The following AP1G1 variants were observed in gnomAD, a reference collection of about 807,000 sequenced individuals.
The protein encoded by AP1G1 is adaptor related protein complex 1 subunit gamma 1.
AP1G1 carries 7 observed loss-of-function variants against 108.3 expected under a neutral mutation model. The observed-to-expected ratio is 0.06, with a 90% CI of 0.04 to 0.12. AP1G1 has a LOEUF of 0.12. AP1G1 is among the 10% of genes least tolerant of loss of function. The pLI is 1.00. For synonymous variants in AP1G1, 379 were observed against 353.5 expected (o/e 1.07, Z -0.81); for missense variants, 756 against 1,010.7 (o/e 0.75, Z 3.42).
chr16:71,742,145 C>T (rs1299150055), intron 19 of AP1G1: 2 of 151,932 alleles, frequency 1.3e-5, no homozygotes, highest in African/African-American at 2.4e-5. Context: ...TATCATTTTG[C>T]TTTAACATAT....
chr16:71,733,232 G>A (rs2045491111), intron 22 of AP1G1, 73 bp from the exon 23 acceptor site: 1 of 1,250,666 alleles, frequency 8.0e-7, no homozygotes, highest in African/African-American at 1.5e-5. Context: ...TCCACAAATA[G>A]ACTTTTAATC....
rs759856339 is a variant in AP1G1 at position 71,750,199 on chromosome 16, G to A, written c.1407+11C>T. 1.1e-4 allele frequency: 176 copies of A among 1,611,406 alleles called. No individual in the cohort carries two copies. Among genetic ancestry groups the A allele is most frequent in the Non-Finnish European group, 1.4e-4 (167 of 1,179,376 alleles). On this transcript the variant is annotated intron_variant, in intron 14 of 22. Coordinates refer to ENST00000299980, the MANE Select transcript of AP1G1 (RefSeq NM_001128.6). ...AAATTACCCCCTAAAATAGTTGAAT[G>A]AAGTACTTACTTGAGAATAATCACC...
chr16:71,784,199 A>G (rs1310658936), intron 2 of AP1G1, among the ~76,000 whole-genome samples: 2 of 152,196 alleles, frequency 1.3e-5, no homozygotes, highest in African/African-American at 4.8e-5. Flanking sequence ...TGTGTCTAAC[A>G]CTTATAACTT....
Position 71,803,107 on chromosome 16 carries a change from C to T in AP1G1, c.-4+5656G>A, listed in dbSNP as rs376523289. 3.3e-5 allele frequency among the ~76,000 whole-genome samples: 5 copies of T among 151,214 alleles called. No individual in the cohort carries two copies. The East Asian group carries it at 7.9e-4, about 24-fold the overall frequency. On this transcript the variant is annotated intron_variant, in intron 1 of 22. Coordinates refer to ENST00000299980, the MANE Select transcript of AP1G1 (RefSeq NM_001128.6). The stretch of plus-strand genomic sequence containing the variant: ...GTGCACGCCTGCAGTCCCAGCTACT[C>T]GGGAGGCTGAGCACAAGAATCGCGG...
At chr16:71,803,735 G>A (rs886489520) in intron 1 of AP1G1, among the ~76,000 whole-genome samples, 1 of 152,082 alleles carries the variant, frequency 6.6e-6, no homozygotes, top group Non-Finnish European at 1.5e-5. Context: ...GATCAGCCTG[G>A]TCAACAGGGT....
At chr16:71,777,233 G>A (rs1448535283) in intron 2 of AP1G1, among the ~76,000 whole-genome samples, 1 of 151,602 alleles carries the variant, frequency 6.6e-6, no homozygotes, top group Non-Finnish European at 1.5e-5. Context: ...GGATCTGAGG[G>A]AGATCCCAGG....
chr16:71,804,521 C>A (rs1423384322), intron 1 of AP1G1, among the ~76,000 whole-genome samples: 2 of 151,850 alleles, frequency 1.3e-5, no homozygotes, highest in Non-Finnish European at 2.9e-5. Context: ...AATCCTCCCA[C>A]CTGAGCCTCC....
intron 10 of AP1G1, among the ~76,000 whole-genome samples, chr16:71,759,841 T>C (rs1391694540): frequency 6.6e-6 from 1 of 151,908 alleles, no homozygotes; most frequent in Non-Finnish European, 1.5e-5. Context: ...CTTTAAAAGT[T>C]TTCCAAATAG....
At chr16:71,768,089 T>G (rs1267044070) in intron 6 of AP1G1, among the ~76,000 whole-genome samples, 1 of 148,478 alleles carries the variant, frequency 6.7e-6, no homozygotes, top group Non-Finnish European at 1.5e-5. Context: ...ATGACCAGCA[T>G]CCTATAAAAG....
At chr16:71,768,714 G>A (rs1187352563) in intron 6 of AP1G1, among the ~76,000 whole-genome samples, 1 of 147,930 alleles carries the variant, frequency 6.8e-6, no homozygotes, top group Non-Finnish European at 1.5e-5. Flanking sequence ...AGGAGATCAA[G>A]ACCATCCTGG....
At chr16:71,785,850 C>G (rs2032184271) in intron 2 of AP1G1, among the ~76,000 whole-genome samples, 1 of 152,032 alleles carries the variant, frequency 6.6e-6, no homozygotes, top group Non-Finnish European at 1.5e-5. Flanking sequence ...CCATTGCACT[C>G]CAGCCTGGGC....
intron 12 of AP1G1, among the ~76,000 whole-genome samples, chr16:71,754,226 AAAAG>A (rs1324484577): frequency 6.6e-6 from 1 of 151,724 alleles, no homozygotes; most frequent in Non-Finnish European, 1.5e-5. Context: ...CAGAAGAAAG[AAAAG>A]AAAGGGAAGA....
chr16:71,777,638 G>A (rs552142846), intron 2 of AP1G1: 13 of 455,988 alleles, frequency 2.9e-5, no homozygotes, highest in Admixed American at 2.7e-4. Flanking sequence ...CTACTGCTAG[G>A]GATCCGGTTC....
intron 1 of AP1G1, chr16:71,806,535 G>T (rs369499059): frequency 2.7e-6 from 1 of 375,224 alleles, no homozygotes; most frequent in South Asian, 2.4e-5. Flanking sequence ...GCCACTGAGC[G>T]CCCGCCTGAA....
rs2031497489 is a variant in AP1G1, at chr16:71,769,753, T to C, written c.566-54A>G. 4.1e-6 allele frequency: 6 copies of C among 1,454,686 alleles called. No individual in the cohort carries two copies. In the South Asian group the frequency reaches 4.6e-5, roughly 11 times the overall value. The allele number at this position is 1,454,686 out of a possible 1,614,324, so 90.1% of individuals were successfully genotyped here. Reference sequence around the variant, plus strand: ...AAATGAGGCCTATTATTCAATTTTATAGAACAGGACTTTGAGTTCCTGAAG... The same window carrying C: ...AAATGAGGCCTATTATTCAATTTTACAGAACAGGACTTTGAGTTCCTGAAG... On this transcript the variant is annotated intron_variant, in intron 5 of 22. Coordinates refer to ENST00000299980, the MANE Select transcript of AP1G1 (RefSeq NM_001128.6).
intron 1 of AP1G1, among the ~76,000 whole-genome samples, chr16:71,796,726 A>C (rs2032598722): frequency 6.6e-6 from 1 of 152,168 alleles, no homozygotes; most frequent in African/African-American, 2.4e-5. Flanking sequence ...AGAGGACTTA[A>C]GTTCAATTCT....
At chr16:71,778,811 G>A (rs1043298181) in intron 2 of AP1G1, among the ~76,000 whole-genome samples, 5 of 152,108 alleles carry the variant, frequency 3.3e-5, no homozygotes, top group Non-Finnish European at 5.9e-5. Context: ...GAGGGCATCC[G>A]TTTTTCCGCA....
At position 71,753,824 on chromosome 16, in the gene AP1G1, G is replaced by A. The variant is rs1346056022; in HGVS notation, c.1284+9C>T. 1.4e-5 allele frequency: 22 copies of A among 1,612,712 alleles called. No individual in the cohort carries two copies. The highest frequency in any genetic ancestry group is 2.2e-5 in the East Asian group (1 of 44,874). On this transcript the variant is annotated intron_variant, in intron 13 of 22. Transcript: ENST00000299980. ...ACTTCGTATATGCTGTCTGAAAGAAGCTACTTACCGTTGTCAAAACACGCA... is the reference window on the plus strand; with the variant it reads ...ACTTCGTATATGCTGTCTGAAAGAAACTACTTACCGTTGTCAAAACACGCA...
chr16:71,796,719 G>C (rs1309611779), intron 1 of AP1G1, among the ~76,000 whole-genome samples: 1 of 152,038 alleles, frequency 6.6e-6, no homozygotes, highest in African/African-American at 2.4e-5. Flanking sequence ...CCCTCTAAGA[G>C]GACTTAAGTT....
Sources: gnomAD v4.1 joint callset for allele counts (sites outside exome capture counted in the v4.1 genomes callset) on GRCh38, gnomAD v4.1.1 for gene constraint, MANE v1.5 for transcripts, NCBI Gene and HGNC (gene_info 2026-07-23, HGNC 2026-07-21) for gene names.